NIPBL: variants seen among roughly 807,000 people sequenced by gnomAD.
NIPBL encodes nipped-B-like protein.
A neutral mutation model predicts 321.8 loss-of-function variants in NIPBL; 19 were observed. That is an observed-to-expected ratio of 0.06 (90% CI 0.04 to 0.09). The LOEUF is 0.09. Among genes scored for constraint, NIPBL ranks in the 10% least tolerant of loss-of-function variants. The probability of loss-of-function intolerance (pLI) is 1.00; values close to 1 mark genes in which losing one functional copy is unlikely to be tolerated. For synonymous variants in NIPBL, 1,106 were observed against 1,114.1 expected (o/e 0.99, Z 0.14); for missense variants, 2,210 against 3,327.0 (o/e 0.66, Z 8.26).
At chr5:36,961,658 T>C in intron 5 of NIPBL, 75 bp downstream of exon 5, 1 of 937,028 alleles carries the variant, frequency 1.1e-6, no homozygotes, top group South Asian at 1.3e-5. Context: ...GGTTCATACA[T>C]TTAGGTAATG....
rs886060553 is a variant in NIPBL, at chr5:36,876,834, T to TCCCCCCC, written c.-422_-416dup. 1 of 78,632 alleles carries TCCCCCCC rather than the reference T, an allele frequency of 1.3e-5. No individual in the cohort carries two copies. Among genetic ancestry groups the TCCCCCCC allele is most frequent in the Non-Finnish European group, 2.5e-5 (1 of 40,356 alleles). 4.9% of individuals were successfully genotyped at this position (78,632 alleles called of 1,614,324 possible). On this transcript the variant is annotated 5_prime_UTR_variant, in exon 1 of 47. Coordinates refer to ENST00000282516, the MANE Select transcript of NIPBL (RefSeq NM_133433.4). ...CACACAGGGCTCCTTCCCCCCGCCC[T>TCCCCCCC]CCCCCCCCTCCCTCCGTCGGTACCG...
chr5:37,033,744 T>A (rs1751388211), intron 32 of NIPBL, among the ~76,000 whole-genome samples: 1 of 131,526 alleles, frequency 7.6e-6, no homozygotes, highest in African/African-American at 3.0e-5. Flanking sequence ...TTTTTTTTTT[T>A]TTTTTTAATG....
intron 1 of NIPBL, among the ~76,000 whole-genome samples, chr5:36,933,128 C>T (rs1321190450): frequency 6.6e-6 from 1 of 151,840 alleles, no homozygotes; most frequent in African/African-American, 2.4e-5. Context: ...AAAACTCTTC[C>T]TTTAATAAAG....
intron 42 of NIPBL, among the ~76,000 whole-genome samples, chr5:37,055,377 ATGGAT>A (rs1042930966): frequency 6.7e-5 from 10 of 148,756 alleles, no homozygotes; most frequent in African/African-American, 2.5e-4. Context: ...AAAAAAAAGA[ATGGAT>A]AGTAGAAAAG....
At chr5:37,047,810 C>G (rs1753134513) in intron 38 of NIPBL, among the ~76,000 whole-genome samples, 1 of 152,124 alleles carries the variant, frequency 6.6e-6, no homozygotes, top group South Asian at 2.1e-4. Context: ...CATCAGAGAT[C>G]TTCATTTTTT....
At chr5:36,921,345 C>T (rs1038762593) in intron 1 of NIPBL, among the ~76,000 whole-genome samples, 7 of 152,122 alleles carry the variant, frequency 4.6e-5, no homozygotes, top group African/African-American at 1.7e-4. Context: ...TAGTATTATA[C>T]ATGGAACTAT....
At chr5:37,044,563 A>G in intron 35 of NIPBL, 73 bp from the exon 36 acceptor site, 4 of 1,577,826 alleles carry the variant, frequency 2.5e-6, no homozygotes, top group Admixed American at 1.7e-5. Flanking sequence ...TTTAAAGCAA[A>G]TATTTGTAAA....
At chr5:36,892,708 T>C (rs1746434518) in intron 1 of NIPBL, among the ~76,000 whole-genome samples, 1 of 151,768 alleles carries the variant, frequency 6.6e-6, no homozygotes, top group Non-Finnish European at 1.5e-5. Context: ...AAACACCACA[T>C]GTTCTCACTC....
chr5:36,880,898 T>C (rs1181206320), intron 1 of NIPBL, among the ~76,000 whole-genome samples: 1 of 152,040 alleles, frequency 6.6e-6, no homozygotes, highest in South Asian at 2.1e-4. Flanking sequence ...ACCATATGAT[T>C]TGTGTAGATT....
intron 40 of NIPBL, chr5:37,050,922 TG>T (rs1220602329): frequency 1.3e-5 from 2 of 152,172 alleles, no homozygotes; most frequent in African/African-American, 4.8e-5. Flanking sequence ...CTCCGCCTCC[TG>T]GATTCAAGCA....
chr5:36,930,093 G>C (rs1005203600), intron 1 of NIPBL, among the ~76,000 whole-genome samples: 2 of 151,886 alleles, frequency 1.3e-5, no homozygotes, highest in Non-Finnish European at 2.9e-5. Context: ...GTTAGGATCA[G>C]CTTATTTCTA....
intron 3 of NIPBL, among the ~76,000 whole-genome samples, chr5:36,956,627 T>C (rs2149601061): frequency 1.5e-5 from 2 of 137,770 alleles, no homozygotes; most frequent in South Asian, 5.1e-4. Context: ...TTTTTTTTTT[T>C]TTTTTTTTTT....
intron 1 of NIPBL, among the ~76,000 whole-genome samples, chr5:36,944,510 A>G (rs1043151588): frequency 1.3e-5 from 2 of 152,178 alleles, no homozygotes; most frequent in African/African-American, 4.8e-5. Context: ...AGGCAGCCAG[A>G]TTCCAAATGG....
chr5:36,892,717 T>C (rs938118405), intron 1 of NIPBL, among the ~76,000 whole-genome samples: 1 of 151,468 alleles, frequency 6.6e-6, no homozygotes, highest in Non-Finnish European at 1.5e-5. Context: ...ATGTTCTCAC[T>C]CATAGGTGGG....
Position 36,900,671 on chromosome 5 carries a change from T to G in NIPBL, c.-80+23493T>G, listed in dbSNP as rs566686123. 2.3e-4 allele frequency among the ~76,000 whole-genome samples: 35 copies of G among 152,198 alleles called. 1 individual carries two copies. Among genetic ancestry groups the G allele is most frequent in the East Asian group, 1.9e-4 (1 of 5,180 alleles). The stretch of plus-strand genomic sequence containing the variant: ...CAGCATATGGCATATGCTCGGGTTT[T>G]TTTTGTTTTGTTTTGTTTTGTTTTT... On this transcript the variant is annotated intron_variant, in intron 1 of 46. Coordinates refer to ENST00000282516, the MANE Select transcript of NIPBL (RefSeq NM_133433.4).
Position 37,026,216 on chromosome 5 carries a change from C to T in NIPBL, c.5710-13C>T, listed in dbSNP as rs562131143. 8.7e-5 allele frequency: 129 copies of T among 1,489,510 alleles called. 3 individuals carry two copies. The South Asian group carries it at 1.4e-3, about 16-fold the overall frequency. 92.3% of individuals were successfully genotyped at this position (1,489,510 alleles called of 1,614,324 possible). A position where few individuals can be genotyped will look rare whatever the true frequency, so the allele number is the denominator to read the frequency against. On this transcript the variant is annotated splice_polypyrimidine_tract_variant and intron_variant, in intron 30 of 46. Coordinates refer to ENST00000282516, the MANE Select transcript of NIPBL (RefSeq NM_133433.4). ...GTTATAATTAGTTAATTTGAAATTT[C>T]TCTTCCTTCTAGAAATTAGTAAATG... is the stretch of plus-strand genomic sequence containing the variant.
chr5:37,058,268 G>A (rs1754310952), intron 43 of NIPBL, among the ~76,000 whole-genome samples: 1 of 152,126 alleles, frequency 6.6e-6, no homozygotes, highest in Non-Finnish European at 1.5e-5. Context: ...TAGCCCTCAT[G>A]TTCTCTTATT....
chr5:37,037,984 C>CTTTTTTTTTTT (rs34425779), intron 33 of NIPBL, among the ~76,000 whole-genome samples: 1 of 116,224 alleles, frequency 8.6e-6, no homozygotes. Context: ...TATTCACTTC[C>CTTTTTTTTTTT]TTTTTTTTTT....
At chr5:36,969,268 CAAGG>C (rs961140428) in intron 6 of NIPBL, among the ~76,000 whole-genome samples, 1 of 152,060 alleles carries the variant, frequency 6.6e-6, no homozygotes, top group Non-Finnish European at 1.5e-5. Flanking sequence ...TAAAAAATCT[CAAGG>C]AAGGTTTTTG....
Sources: allele counts gnomAD v4.1 joint callset (sites outside exome capture counted in the v4.1 genomes callset), GRCh38; gene constraint gnomAD v4.1.1; transcripts MANE v1.5; gene names NCBI Gene and HGNC (gene_info 2026-07-23, HGNC 2026-07-21).